The following SOX5 variants were observed in gnomAD, a reference collection of about 807,000 sequenced individuals.
SOX5 encodes the protein SRY-box transcription factor 5.
A neutral mutation model predicts 92.0 loss-of-function variants in SOX5; 9 were observed. The observed-to-expected ratio is 0.10, with a 90% CI of 0.06 to 0.17. SOX5 has a LOEUF of 0.17. SOX5 is among the 10% of genes least tolerant of loss of function. SOX5 has a pLI of 1.00. For synonymous variants in SOX5, 344 were observed against 336.3 expected, an observed-to-expected ratio of 1.02 and a Z score of -0.25; for missense variants, 642 against 944.5, an observed-to-expected ratio of 0.68 and a Z score of 4.20.
At chr12:24,213,077 T>C (rs1051392529) in intron 4 of SOX5, among the ~76,000 whole-genome samples, 2 of 152,148 alleles carry the variant, frequency 1.3e-5, no homozygotes, top group South Asian at 2.1e-4. Flanking sequence ...GAAAAAAATA[T>C]AGAAAAAATA....
chr12:24,243,625 T>C (rs1316156904), intron 3 of SOX5, among the ~76,000 whole-genome samples: 2 of 152,202 alleles, frequency 1.3e-5, no homozygotes, highest in Admixed American at 6.5e-5. Context: ...AAACCGTACA[T>C]TGCCTTATAG....
upstream of SOX5, chr12:23,949,753 CCT>C (rs1189711325): frequency 4.1e-4 from 299 of 728,790 alleles, no homozygotes; most frequent in East Asian, 1.6e-3. Context: ...TCTCTCTCTC[CCT>C]CTCTCTCTCT....
chr12:23,548,950 C>T (rs1312407989), intron 11 of SOX5, among the ~76,000 whole-genome samples: 1 of 151,900 alleles, frequency 6.6e-6, no homozygotes, highest in Non-Finnish European at 1.5e-5. Flanking sequence ...AGTGCTGACA[C>T]ACTAGAAAAA....
intron 3 of SOX5, among the ~76,000 whole-genome samples, chr12:24,228,275 A>G (rs1962541766): frequency 1.3e-5 from 2 of 152,214 alleles, no homozygotes; most frequent in Non-Finnish European, 2.9e-5. Context: ...TGTTTAATGG[A>G]GGCTAAAACT....
At chr12:24,099,189 A>G (rs1225465170) in intron 4 of SOX5, among the ~76,000 whole-genome samples, 1 of 152,130 alleles carries the variant, frequency 6.6e-6, no homozygotes, top group Non-Finnish European at 1.5e-5. Flanking sequence ...CAGTTGTGAC[A>G]TTTAAAAATA....
chr12:24,534,565 G>C (rs1314603412), intron 1 of SOX5, among the ~76,000 whole-genome samples: 1 of 152,078 alleles, frequency 6.6e-6, no homozygotes, highest in Non-Finnish European at 1.5e-5. Flanking sequence ...CCATTAACTA[G>C]AGACTCTTAA....
intron 1 of SOX5, among the ~76,000 whole-genome samples, chr12:23,910,049 C>T (rs4569092): frequency 0.2 from 30,849 of 151,860 alleles, 4,251 homozygotes; most frequent in East Asian, 0.71. Flanking sequence ...CACACAGTTC[C>T]CTGAAAACAT....
At chr12:24,319,793 C>G (rs987072423) in intron 2 of SOX5, among the ~76,000 whole-genome samples, 1 of 152,210 alleles carries the variant, frequency 6.6e-6, no homozygotes, top group Non-Finnish European at 1.5e-5. Context: ...AGGCCATCAT[C>G]TTGCACTATC....
intron 4 of SOX5, among the ~76,000 whole-genome samples, chr12:24,015,049 G>A (rs1953428709): frequency 6.6e-6 from 1 of 151,960 alleles, no homozygotes; most frequent in African/African-American, 2.4e-5. Context: ...CATCATTGTT[G>A]TGGAGCTAGG....
At chr12:23,995,798 G>A (rs922494655) in intron 4 of SOX5, among the ~76,000 whole-genome samples, 3 of 152,144 alleles carry the variant, frequency 2.0e-5, no homozygotes, top group African/African-American at 4.8e-5. Context: ...TCTGCTCATC[G>A]TAGTTACATA....
chr12:23,745,899 T>C (rs1019933304), intron 4 of SOX5, among the ~76,000 whole-genome samples: 1 of 152,176 alleles, frequency 6.6e-6, no homozygotes, highest in African/African-American at 2.4e-5. Flanking sequence ...ATCCTCATTA[T>C]CTACTACAGG....
intron 3 of SOX5, among the ~76,000 whole-genome samples, chr12:24,239,060 G>T (rs550439894): frequency 1.3e-5 from 2 of 152,268 alleles, no homozygotes; most frequent in African/African-American, 4.8e-5. Flanking sequence ...CCACATTTTG[G>T]TCAGGGTGAG....
At chr12:24,130,922 A>C (rs981528539) in intron 4 of SOX5, among the ~76,000 whole-genome samples, 1 of 152,170 alleles carries the variant, frequency 6.6e-6, no homozygotes, top group Non-Finnish European at 1.5e-5. Context: ...GACATCTAAC[A>C]TCTAACACAG....
At chr12:23,596,410 T>C (rs975112606) in intron 9 of SOX5, among the ~76,000 whole-genome samples, 1 of 152,216 alleles carries the variant, frequency 6.6e-6, no homozygotes, top group Non-Finnish European at 1.5e-5. Flanking sequence ...CTTTGAGGCA[T>C]CTCTGTAAGA....
intron 3 of SOX5, among the ~76,000 whole-genome samples, chr12:24,246,889 G>T (rs1006162111): frequency 2.6e-5 from 4 of 152,076 alleles, no homozygotes; most frequent in Non-Finnish European, 4.4e-5. Flanking sequence ...ATGATAAAGG[G>T]AGAGGGGATT....
chr12:24,137,042 A>C (rs1348151153), intron 4 of SOX5, among the ~76,000 whole-genome samples: 1 of 152,230 alleles, frequency 6.6e-6, no homozygotes, highest in Non-Finnish European at 1.5e-5. Flanking sequence ...TCTTGGTCTT[A>C]GAGAATAGAT....
At chr12:24,090,912 T>C (rs1944561453) in intron 4 of SOX5, among the ~76,000 whole-genome samples, 1 of 152,238 alleles carries the variant, frequency 6.6e-6, no homozygotes, top group African/African-American at 2.4e-5. Flanking sequence ...AGACTGCTTT[T>C]TGTGTTTTCA....
At chr12:24,513,033 C>A (rs1949465690) in intron 1 of SOX5, among the ~76,000 whole-genome samples, 1 of 152,158 alleles carries the variant, frequency 6.6e-6, no homozygotes, top group Non-Finnish European at 1.5e-5. Context: ...TTTTCTCATG[C>A]TACTGATATG....
At chr12:23,761,773 G>A (rs1011253223) in intron 3 of SOX5, among the ~76,000 whole-genome samples, 1 of 151,914 alleles carries the variant, frequency 6.6e-6, no homozygotes, top group African/African-American at 2.4e-5. Flanking sequence ...TGGTACTGTG[G>A]GCTAGTCTGT....
Sources: gnomAD v4.1 joint callset for allele counts (sites outside exome capture counted in the v4.1 genomes callset) on GRCh38, gnomAD v4.1.1 for gene constraint, MANE v1.5 for transcripts, NCBI Gene and HGNC (gene_info 2026-07-23, HGNC 2026-07-21) for gene names.